Variants in DPYD observed in about 807,000 individuals in gnomAD.
DPYD encodes the protein dihydropyrimidine dehydrogenase [NADP(+)].
DPYD carries 109 observed loss-of-function variants against 116.2 expected under a neutral mutation model. The observed-to-expected ratio is 0.94, with a 90% CI of 0.80 to 1.10. The LOEUF (loss-of-function observed/expected upper bound fraction) is 1.10. Ranked by LOEUF, DPYD falls within the 50% of genes least tolerant of loss-of-function variation. The pLI, the probability that DPYD is intolerant of heterozygous loss-of-function variation, is 0.00. For missense variants in DPYD, 1,302 were observed against 1,254.5 expected (o/e 1.04, Z -0.57); for synonymous variants, 440 against 432.0 (o/e 1.02, Z -0.23).
At chr1:97,098,314 A>G (rs1010477474) in intron 21 of DPYD, among the ~76,000 whole-genome samples, 175 bp downstream of exon 21, 10 of 152,164 alleles carry the variant, frequency 6.6e-5, no homozygotes, top group African/African-American at 1.9e-4. Flanking sequence ...GCAAATAAAA[A>G]AGGTTATTTT....
chr1:97,562,912 G>A (rs946275167), intron 11 of DPYD, among the ~76,000 whole-genome samples: 2 of 152,006 alleles, frequency 1.3e-5, no homozygotes, highest in African/African-American at 2.4e-5. Context: ...TAGAGACAGG[G>A]TTTCACCATG....
At chr1:97,092,731 C>T (rs895638903) in intron 21 of DPYD, among the ~76,000 whole-genome samples, 2 of 152,086 alleles carry the variant, frequency 1.3e-5, no homozygotes, top group African/African-American at 4.8e-5. Flanking sequence ...TTTCATGCTA[C>T]ACCCCAAACT....
intron 8 of DPYD, among the ~76,000 whole-genome samples, chr1:97,671,183 GGTTA>G (rs138034623): frequency 0.012 from 1,876 of 151,746 alleles, 32 homozygotes; most frequent in African/African-American, 0.043. Context: ...GAGTTAATAG[GGTTA>G]ATTAGAGTTA....
rs536313567 is a variant in DPYD, at chr1:97,192,226, C to T, written c.2622+843G>A. 4.6e-5 allele frequency among the ~76,000 whole-genome samples: 7 copies of T among 152,230 alleles called. 1 individual carries two copies. The South Asian group carries it at 1.5e-3, about 32-fold the overall frequency. ...ATTCTTTCTGAGTCCCTAACCCAGT[C>T]ATCCAAGGCAGAGTACCCAGGGCTT... On this transcript the variant is annotated intron_variant, in intron 20 of 22. Transcript: ENST00000370192.
chr1:97,341,863 T>C (rs1669602740), intron 16 of DPYD, among the ~76,000 whole-genome samples: 1 of 151,950 alleles, frequency 6.6e-6, no homozygotes, highest in African/African-American at 2.4e-5. Context: ...TGACATCAGG[T>C]TGGTAGCTTG....
chr1:97,291,585 G>A (rs1308882271), intron 18 of DPYD, among the ~76,000 whole-genome samples: 1 of 151,776 alleles, frequency 6.6e-6, no homozygotes, highest in African/African-American at 2.4e-5. Context: ...ACTATCGCAA[G>A]GACAAAAAAC....
At chr1:97,137,874 C>T (rs913518115) in intron 20 of DPYD, among the ~76,000 whole-genome samples, 8 of 152,108 alleles carry the variant, frequency 5.3e-5, no homozygotes, top group Admixed American at 3.3e-4. Context: ...GGGAACACTC[C>T]TTCCATATTC....
chr1:97,613,661 T>C (rs1656087413), intron 8 of DPYD, among the ~76,000 whole-genome samples: 1 of 151,984 alleles, frequency 6.6e-6, no homozygotes. Context: ...AGCTAGAGCA[T>C]GAATATAGCG....
chr1:97,098,426 T>TTTGTAAATA, intron 21 of DPYD, 63 bp downstream of exon 21: 1 of 1,558,524 alleles, frequency 6.4e-7, no homozygotes, highest in Non-Finnish European at 8.8e-7. Context: ...ATAAACATTT[T>TTTGTAAATA]AACTATATTT....
intron 8 of DPYD, among the ~76,000 whole-genome samples, chr1:97,651,327 A>G (rs1452370491): frequency 6.6e-6 from 1 of 152,094 alleles, no homozygotes; most frequent in Admixed American, 6.5e-5. Context: ...GAACAAAAAT[A>G]CCCTGCTTGT....
intron 3 of DPYD, among the ~76,000 whole-genome samples, chr1:97,743,148 C>G (rs925325427): frequency 3.3e-5 from 5 of 151,996 alleles, no homozygotes; most frequent in Non-Finnish European, 7.4e-5. Context: ...GCCTCTTTAC[C>G]AAATAATTCT....
intron 4 of DPYD, 126 bp downstream of exon 4, chr1:97,740,266 C>A (rs1664186738): frequency 1.5e-6 from 1 of 676,160 alleles, no homozygotes; most frequent in Non-Finnish European, 2.5e-6. Flanking sequence ...TTTTTAAATG[C>A]CTATAGAAGT....
intron 1 of DPYD, among the ~76,000 whole-genome samples, chr1:97,900,143 T>C (rs1324367770): frequency 6.6e-6 from 1 of 151,914 alleles, no homozygotes; most frequent in Non-Finnish European, 1.5e-5. Context: ...TACCTTGTTT[T>C]TCCTGTTCTT....
chr1:97,195,602 G>A (rs1164039283), intron 19 of DPYD, among the ~76,000 whole-genome samples: 2 of 117,428 alleles, frequency 1.7e-5, no homozygotes, highest in Non-Finnish European at 3.5e-5. Flanking sequence ...ATATGTGTGT[G>A]TGTGTATATA....
At chr1:97,777,638 A>T (rs1666488850) in intron 3 of DPYD, among the ~76,000 whole-genome samples, 1 of 152,170 alleles carries the variant, frequency 6.6e-6, no homozygotes, top group Non-Finnish European at 1.5e-5. Flanking sequence ...GTATTTAAGG[A>T]CAGATATCAT....
chr1:97,684,431 A>G (rs1437430826), intron 7 of DPYD, among the ~76,000 whole-genome samples: 1 of 152,120 alleles, frequency 6.6e-6, no homozygotes, highest in Non-Finnish European at 1.5e-5. Flanking sequence ...GCATTTGCTG[A>G]GGAGTGTTTT....
chr1:97,339,763 T>C (rs1355984828), intron 16 of DPYD, among the ~76,000 whole-genome samples: 1 of 152,192 alleles, frequency 6.6e-6, no homozygotes, highest in Non-Finnish European at 1.5e-5. Context: ...GATAATTCTA[T>C]AACTAAGACA....
At chr1:97,666,179 A>G (rs1659546581) in intron 8 of DPYD, among the ~76,000 whole-genome samples, 1 of 151,902 alleles carries the variant, frequency 6.6e-6, no homozygotes, top group Non-Finnish European at 1.5e-5. Flanking sequence ...ATTTTATTTT[A>G]TTTTATTTTC....
intron 3 of DPYD, among the ~76,000 whole-genome samples, chr1:97,806,525 T>G (rs1483900775): frequency 6.6e-6 from 1 of 151,866 alleles, no homozygotes; most frequent in Non-Finnish European, 1.5e-5. Context: ...TTTTAGAATA[T>G]TTTAGGTTCA....
Sources: allele counts gnomAD v4.1 joint callset (sites outside exome capture counted in the v4.1 genomes callset), GRCh38; gene constraint gnomAD v4.1.1; transcripts MANE v1.5; gene names NCBI Gene and HGNC (gene_info 2026-07-23, HGNC 2026-07-21).